Variants in LONP1 observed in about 807,000 individuals in gnomAD.
LONP1 encodes lon peptidase 1, mitochondrial, also known as lon protease homolog, mitochondrial.
LONP1 carries 31 observed loss-of-function variants against 98.5 expected under a neutral mutation model. The observed-to-expected ratio is 0.31, with a 90% CI of 0.24 to 0.42. The LOEUF is 0.42. Ranked by LOEUF, LONP1 falls within the 20% of genes least tolerant of loss-of-function variation. LONP1 has a pLI of 1.00. For synonymous variants in LONP1, 781 were observed against 594.7 expected (o/e 1.31, Z -4.56); for missense variants, 1,336 against 1,350.6 (o/e 0.99, Z 0.17).
chr19:5,711,834 C>G lies in LONP1; in HGVS notation c.807G>C (p.Glu269Asp). 6.2e-7 allele frequency: 1 copy of G among 1,612,892 alleles called. No individual in the cohort carries two copies. Among genetic ancestry groups the G allele is most frequent in the Non-Finnish European group, 8.5e-7 (1 of 1,179,996 alleles). The change falls in exon 4 of 18, where the codon GAG becomes GAC. Residue 269 changes from glutamate (E) to aspartate (D), a missense_variant. Glu to Asp is a conservative substitution (Grantham distance 45). Coordinates refer to ENST00000360614, the MANE Select transcript of LONP1 (RefSeq NM_004793.4). ...CGTTCTCTACCTCCACCATGAGCACCTCAGCCGGGAGCTCAGGGGTGGGCT... is the reference window on the plus strand; with the variant it reads ...CGTTCTCTACCTCCACCATGAGCACGTCAGCCGGGAGCTCAGGGGTGGGCT... The part of the protein sequence containing the change: ...AMEPTPELPA[E>D]VLMVEVENVV...
At chr19:5,710,996 A>T (rs1208593291) in intron 4 of LONP1, among the ~76,000 whole-genome samples, 1 of 151,896 alleles carries the variant, frequency 6.6e-6, no homozygotes, top group African/African-American at 2.4e-5. Context: ...ATTGCACTCC[A>T]GCCTGGGTTG....
chr19:5,696,760 G>A lies in LONP1; in HGVS notation c.1686-3C>T, dbSNP rs2043376252. ...GCATGGCGCCCACGTAGGTCCGCCT[G>A]TGGGTGCACAGCGGGGTCAGAGGTC... On this transcript the variant is annotated splice_polypyrimidine_tract_variant and splice_region_variant and intron_variant, in intron 10 of 17. Transcript: ENST00000360614. 6.2e-7 allele frequency: 1 copy of A among 1,608,516 alleles called. No individual in the cohort carries two copies. Among genetic ancestry groups the A allele is most frequent in the Non-Finnish European group, 8.5e-7 (1 of 1,175,840 alleles).
intron 4 of LONP1, among the ~76,000 whole-genome samples, chr19:5,711,178 A>C (rs1259371977): frequency 6.6e-6 from 1 of 152,180 alleles, no homozygotes; most frequent in Non-Finnish European, 1.5e-5. Flanking sequence ...ACTTCCCCCT[A>C]GGCCCTGCAG....
intron 6 of LONP1, 80 bp downstream of exon 6, chr19:5,707,617 G>GGGAGCTGAGGAGGAACGGA: frequency 6.6e-7 from 1 of 1,515,608 alleles, no homozygotes. Context: ...GGAGGAACGG[G>GGGAGCTGAGGAGGAACGGA]GGCAGCCGGG....
At chr19:5,708,299 CAG>C in intron 5 of LONP1, 41 bp downstream of exon 5, 1 of 1,590,654 alleles carries the variant, frequency 6.3e-7, no homozygotes, top group Non-Finnish European at 8.6e-7. Context: ...GAAAGAGCTG[CAG>C]AGATGCCCCC....
intron 15 of LONP1, among the ~76,000 whole-genome samples, chr19:5,693,978 CCCAGCAGCTG>C (rs2054878861): frequency 6.6e-6 from 1 of 152,182 alleles, no homozygotes; most frequent in Non-Finnish European, 1.5e-5. Flanking sequence ...CAGGGCAGCC[CCCAGCAGCTG>C]CCAGCCACAG....
intron 2 of LONP1, among the ~76,000 whole-genome samples, chr19:5,713,708 C>T (rs1343730264): frequency 1.3e-5 from 2 of 152,016 alleles, no homozygotes; most frequent in African/African-American, 4.8e-5. Context: ...ATTACAGGTA[C>T]CTGCCACCAC....
At position 5,720,063 on chromosome 19, in the gene LONP1, G is replaced by A. The variant is rs11551011; in HGVS notation, c.70C>T (p.Leu24=). Residue 24 remains leucine, a synonymous_variant, in exon 1 of 18, where the codon CTG becomes TTG. Coordinates refer to ENST00000360614, the MANE Select transcript of LONP1 (RefSeq NM_004793.4). ...GGAACCCGCCCCCCGGCGGCGGCCA[G>A]CATCGGCCGCCGCAGCACCCAGCAC... ...ARCWVLRRPM[L]AAAGGRVPTA... The A allele has an allele frequency of 1.2e-5, 18 of 1,521,020 alleles. No individual in the cohort carries two copies. The highest frequency in any genetic ancestry group is 1.1e-4 in the South Asian group (9 of 82,956). 94.2% of individuals were successfully genotyped at this position (1,521,020 alleles called of 1,614,324 possible). A position where few individuals can be genotyped will look rare whatever the true frequency, so the allele number is the denominator to read the frequency against.
chr19:5,694,936 G>A (rs756912664), intron 13 of LONP1, 35 bp from the exon 14 acceptor site: 18 of 1,578,296 alleles, frequency 1.1e-5, no homozygotes, highest in Admixed American at 6.8e-5. Context: ...GGTCTGGAGG[G>A]ACCTTGCCCA....
At chr19:5,716,995 C>T (rs2055335509) in intron 1 of LONP1, among the ~76,000 whole-genome samples, 5 of 152,202 alleles carry the variant, frequency 3.3e-5, no homozygotes, top group Admixed American at 3.3e-4. Flanking sequence ...GGGGTTTCAC[C>T]TTGTTAGCCA....
At chr19:5,708,468 G>GGGGGGGGGGGGGGCA in intron 4 of LONP1, 65 bp from the exon 5 acceptor site, 1 of 551,262 alleles carries the variant, frequency 1.8e-6, no homozygotes, top group East Asian at 4.7e-5. Context: ...GGCTGGGTGG[G>GGGGGGGGGGGGGGCA]AGCATGGCCC....
At chr19:5,714,468 C>A (rs1468740281) in intron 1 of LONP1, among the ~76,000 whole-genome samples, 197 bp from the exon 2 acceptor site, 1 of 151,896 alleles carries the variant, frequency 6.6e-6, no homozygotes, top group African/African-American at 2.4e-5. Context: ...CCACACCTGG[C>A]TAATTTTTTT....
chr19:5,711,226 G>T (rs925736542), intron 4 of LONP1, among the ~76,000 whole-genome samples: 1 of 152,206 alleles, frequency 6.6e-6, no homozygotes, highest in Non-Finnish European at 1.5e-5. Context: ...AGGCACACAG[G>T]TAAGGAGCTG....
intron 8 of LONP1, among the ~76,000 whole-genome samples, chr19:5,704,136 TGA>T (rs2055105480): frequency 1.3e-5 from 2 of 149,804 alleles, no homozygotes. Context: ...CGGTGGGAGG[TGA>T]GAGACTGACT....
At position 5,691,840 on chromosome 19, in the gene LONP1, A is replaced by AAATGACTTT. The variant is rs1315132852; in HGVS notation, c.*183_*191dup. 1 of 806,720 alleles carries AAATGACTTT rather than the reference A, an allele frequency of 1.2e-6. No individual in the cohort carries two copies. Among genetic ancestry groups the AAATGACTTT allele is most frequent in the Non-Finnish European group, 1.9e-6 (1 of 517,134 alleles). 50.0% of individuals were successfully genotyped at this position (806,720 alleles called of 1,614,324 possible). On this transcript the variant is annotated 3_prime_UTR_variant, in exon 18 of 18. Coordinates refer to ENST00000360614, the MANE Select transcript of LONP1 (RefSeq NM_004793.4). Reference sequence around the variant, plus strand: ...GCAGGTGAGGAAGCCGCCGTACTGCAAATGACTTTAATCATTAAATAGCTT... The same window carrying AAATGACTTT: ...GCAGGTGAGGAAGCCGCCGTACTGCAAATGACTTTAATGACTTTAATCATTAAATAGCTT...
chr19:5,698,998 C>T (rs368519184), intron 10 of LONP1, 29 bp downstream of exon 10: 206 of 1,580,076 alleles, frequency 1.3e-4, no homozygotes, highest in African/African-American at 3.5e-4. Flanking sequence ...GAGGGGAGTG[C>T]GTGGGGAGAG....
intron 8 of LONP1, among the ~76,000 whole-genome samples, chr19:5,701,642 GC>G (rs1163710632): frequency 2.0e-5 from 3 of 152,352 alleles, no homozygotes; most frequent in East Asian, 1.9e-4. Context: ...GCTCAATGGT[GC>G]CCAGGCTGGA....
chr19:5,698,937 C>T (rs2054992333), intron 10 of LONP1, 90 bp downstream of exon 10: 2 of 1,361,338 alleles, frequency 1.5e-6, no homozygotes, highest in Admixed American at 2.4e-5. Context: ...CCGGATTGCT[C>T]TACCAGATGT....
chr19:5,705,076 C>T (rs1055471966), intron 8 of LONP1, among the ~76,000 whole-genome samples: 1 of 151,908 alleles, frequency 6.6e-6, no homozygotes, highest in African/African-American at 2.4e-5. Context: ...GCAGTAGAAT[C>T]GTTTCAACCT....
Sources: gnomAD v4.1 joint callset for allele counts (sites outside exome capture counted in the v4.1 genomes callset) on GRCh38, gnomAD v4.1.1 for gene constraint, MANE v1.5 for transcripts, NCBI Gene and HGNC (gene_info 2026-07-23, HGNC 2026-07-21) for gene names.